Variants in MAML3 observed in about 807,000 individuals in gnomAD.
The protein encoded by MAML3 is mastermind-like protein 3.
Under a neutral mutation model 101.9 loss-of-function variants are expected in MAML3, and 27 were observed. That is an observed-to-expected ratio of 0.27 (90% CI 0.20 to 0.37). The LOEUF is 0.37. MAML3 is among the 10% of genes least tolerant of loss of function. MAML3 has a pLI of 1.00. For missense variants in MAML3, 1,316 were observed against 1,444.9 expected (o/e 0.91, Z 1.45); for synonymous variants, 501 against 555.9 (o/e 0.90, Z 1.39).
chr4:140,101,866 T>C (rs1728257919), intron 1 of MAML3, among the ~76,000 whole-genome samples: 1 of 151,752 alleles, frequency 6.6e-6, no homozygotes, highest in Non-Finnish European at 1.5e-5. Flanking sequence ...TTTTTTTTTT[T>C]ACATTTGCCA....
Position 139,889,456 on chromosome 4 carries a change from C to A in MAML3, c.1980G>T (p.Arg660Ser). ...QPPPPQLQAP[R>S]AHLSEDQKRL... ...GTTTCTGGTCTTCGCTCAGGTGTGC[C>A]CTGGGGGCCTGGAGCTGTGGAGGTG... Residue 660 changes from arginine (R) to serine (S), a missense_variant, in exon 2 of 5, where the codon AGG becomes AGT. By Grantham distance (110) the Arg-to-Ser change is moderately radical. Coordinates refer to ENST00000509479, the MANE Select transcript of MAML3 (RefSeq NM_018717.5). 7 of 1,613,954 alleles carry A rather than the reference C, an allele frequency of 4.3e-6. No individual in the cohort carries two copies. The highest frequency in any genetic ancestry group is 5.9e-6 in the Non-Finnish European group (7 of 1,179,892).
At chr4:139,723,724 A>G (rs1240675982) in intron 4 of MAML3, among the ~76,000 whole-genome samples, 3 of 152,196 alleles carry the variant, frequency 2.0e-5, no homozygotes, top group Admixed American at 6.5e-5. Context: ...CAAATAATAC[A>G]TGAGTTATGA....
At chr4:139,764,627 A>C (rs1295186914) in intron 2 of MAML3, among the ~76,000 whole-genome samples, 1 of 152,240 alleles carries the variant, frequency 6.6e-6, no homozygotes, top group Non-Finnish European at 1.5e-5. Flanking sequence ...TGTGACTCCC[A>C]AAAGCCTGAA....
intron 1 of MAML3, among the ~76,000 whole-genome samples, chr4:140,100,856 T>C (rs554270735): frequency 5.9e-5 from 9 of 152,284 alleles, no homozygotes; most frequent in Non-Finnish European, 1.2e-4. Context: ...GGAGTGATAT[T>C]ATGCCATTTC....
chr4:140,148,520 G>A (rs181507367), intron 1 of MAML3, among the ~76,000 whole-genome samples: 189 of 152,318 alleles, frequency 1.2e-3, no homozygotes, highest in African/African-American at 4.3e-3. Flanking sequence ...AAAGCTTTCC[G>A]AAAGACAGTC....
chr4:139,951,475 C>T (rs949120141), intron 1 of MAML3, among the ~76,000 whole-genome samples: 1 of 152,222 alleles, frequency 6.6e-6, no homozygotes, highest in Non-Finnish European at 1.5e-5. Flanking sequence ...GGGCAGGGAG[C>T]ACAGGCAGCC....
rs1394389266 is a variant in MAML3 at position 139,989,336 on chromosome 4, C to T, written c.469-98369G>A. On this transcript the variant is annotated intron_variant, in intron 1 of 4. Transcript: ENST00000509479. The stretch of plus-strand genomic sequence containing the variant: ...ATGAAATAATGAGGTCTCTGGAGCA[C>T]TTGCCCAGAGAGGCGGCCAGGAAAA... 2.0e-5 allele frequency among the ~76,000 whole-genome samples: 3 copies of T among 152,194 alleles called. No individual in the cohort carries two copies. The East Asian group carries it at 5.8e-4, about 29-fold the overall frequency.
At chr4:140,129,160 AAG>A (rs1252807023) in intron 1 of MAML3, among the ~76,000 whole-genome samples, 3 of 152,222 alleles carry the variant, frequency 2.0e-5, no homozygotes, top group Non-Finnish European at 4.4e-5. Flanking sequence ...TGAAAACTGA[AAG>A]AGATGATAAC....
intron 2 of MAML3, among the ~76,000 whole-genome samples, chr4:139,834,919 G>T (rs1731232063): frequency 6.6e-6 from 1 of 152,186 alleles, no homozygotes; most frequent in African/African-American, 2.4e-5. Context: ...TTTACTCCAA[G>T]AAGTTAATTT....
chr4:139,763,725 A>G (rs1258550107), intron 2 of MAML3, among the ~76,000 whole-genome samples: 2 of 152,194 alleles, frequency 1.3e-5, no homozygotes, highest in Admixed American at 1.3e-4. Flanking sequence ...TCAACAGGAA[A>G]TATCTGGAGT....
At chr4:139,773,391 CA>C (rs1730033612) in intron 2 of MAML3, among the ~76,000 whole-genome samples, 1 of 152,186 alleles carries the variant, frequency 6.6e-6, no homozygotes, top group Non-Finnish European at 1.5e-5. Context: ...TCTTCAACTG[CA>C]AAAGGGTATC....
chr4:139,792,815 G>T (rs1199899875), intron 2 of MAML3, among the ~76,000 whole-genome samples: 2 of 151,256 alleles, frequency 1.3e-5, no homozygotes, highest in Non-Finnish European at 2.9e-5. Context: ...TGCAATCTCG[G>T]CTCACTGCAA....
At chr4:139,913,375 T>G (rs1732967322) in intron 1 of MAML3, among the ~76,000 whole-genome samples, 1 of 152,216 alleles carries the variant, frequency 6.6e-6, no homozygotes. Context: ...CCTGTAAAAG[T>G]CAAAGACATA....
At chr4:139,820,097 C>T (rs62322634) in intron 2 of MAML3, among the ~76,000 whole-genome samples, 2,647 of 152,280 alleles carry the variant, frequency 0.017, 34 homozygotes, top group Non-Finnish European at 0.027. Context: ...AGACATCTTC[C>T]ATGTTGGCTG....
chr4:139,860,032 C>T (rs939388489), intron 2 of MAML3, among the ~76,000 whole-genome samples: 1 of 152,206 alleles, frequency 6.6e-6, no homozygotes. Context: ...GGGGCAGGCG[C>T]GGGCCTCAGC....
intron 1 of MAML3, among the ~76,000 whole-genome samples, chr4:139,991,010 C>G (rs1167426171): frequency 2.0e-5 from 3 of 152,204 alleles, no homozygotes; most frequent in Non-Finnish European, 4.4e-5. Flanking sequence ...CCATCCCCAT[C>G]AAGCTACCAA....
intron 1 of MAML3, among the ~76,000 whole-genome samples, chr4:139,976,913 C>T (rs1241183971): frequency 2.0e-5 from 3 of 151,922 alleles, no homozygotes; most frequent in Admixed American, 6.6e-5. Context: ...ATCCATTAAA[C>T]AGAGGCCCAG....
chr4:139,755,143 A>G (rs1729618481), intron 2 of MAML3, among the ~76,000 whole-genome samples: 1 of 152,220 alleles, frequency 6.6e-6, no homozygotes, highest in Non-Finnish European at 1.5e-5. Context: ...GCTGGCCGGC[A>G]CCAATTCTTA....
At chr4:139,880,308 A>T (rs1297261232) in intron 2 of MAML3, among the ~76,000 whole-genome samples, 1 of 152,156 alleles carries the variant, frequency 6.6e-6, no homozygotes, top group Admixed American at 6.5e-5. Context: ...AGTTTCCAAA[A>T]TATGCCAGGA....
Sources: gnomAD v4.1 joint callset for allele counts (sites outside exome capture counted in the v4.1 genomes callset) on GRCh38, gnomAD v4.1.1 for gene constraint, MANE v1.5 for transcripts, NCBI Gene and HGNC (gene_info 2026-07-23, HGNC 2026-07-21) for gene names.